KAZN: variants seen among roughly 807,000 people sequenced by gnomAD.
The protein encoded by KAZN is kazrin.
Under a neutral mutation model 87.4 loss-of-function variants are expected in KAZN, and 40 were observed. The observed-to-expected ratio is 0.46, with a 90% CI of 0.36 to 0.60. The LOEUF is 0.60. KAZN is among the 20% of genes least tolerant of loss of function. The pLI is 0.00. For synonymous variants in KAZN, 466 were observed against 458.3 expected (o/e 1.02, Z -0.22); for missense variants, 898 against 1,073.9 (o/e 0.84, Z 2.29).
chr1:15,046,956 CCCT>C (rs1339683559), intron 4 of KAZN, among the ~76,000 whole-genome samples: 2 of 152,200 alleles, frequency 1.3e-5, no homozygotes, highest in Admixed American at 6.5e-5. Flanking sequence ...TCCGAGGACT[CCCT>C]GGGTCTTTCT....
intron 2 of KAZN, among the ~76,000 whole-genome samples, chr1:14,568,140 A>C (rs1413520610): frequency 1.3e-5 from 2 of 152,210 alleles, no homozygotes; most frequent in Non-Finnish European, 2.9e-5. Flanking sequence ...GGATCCGCTC[A>C]TTCCCTGAAG....
At chr1:14,269,312 G>T (rs1273394626) in intron 2 of KAZN, among the ~76,000 whole-genome samples, 2 of 147,450 alleles carry the variant, frequency 1.4e-5, no homozygotes, top group East Asian at 3.9e-4. Flanking sequence ...TCCTTTGGGG[G>T]TTGATAATGA....
intron 1 of KAZN, among the ~76,000 whole-genome samples, chr1:13,948,976 C>G (rs1208944702): frequency 6.6e-6 from 1 of 152,134 alleles, no homozygotes; most frequent in Non-Finnish European, 1.5e-5. Flanking sequence ...CTCAGATGTC[C>G]CAGCATCGCC....
intron 10 of KAZN, among the ~76,000 whole-genome samples, chr1:15,095,387 C>T (rs746268222): frequency 2.6e-5 from 4 of 152,146 alleles, no homozygotes; most frequent in Non-Finnish European, 4.4e-5. Context: ...AAACCTCTCC[C>T]ATAGAGGAGC....
intron 1 of KAZN, among the ~76,000 whole-genome samples, chr1:13,966,177 T>TTCCTTCCCTCCCTCCTAC (rs199970243): frequency 1.3e-5 from 2 of 151,818 alleles, no homozygotes; most frequent in Admixed American, 6.6e-5. Flanking sequence ...CTGCCTCCTC[T>TTCCTTCCCTCCCTCCTAC]TCCTTCCCTC....
chr1:13,899,819 T>C (rs1286509190), intron 1 of KAZN, among the ~76,000 whole-genome samples: 1 of 152,144 alleles, frequency 6.6e-6, no homozygotes, highest in Admixed American at 6.5e-5. Flanking sequence ...AATTTTTGTA[T>C]TTTTAGTAGA....
intron 1 of KAZN, among the ~76,000 whole-genome samples, chr1:14,614,000 C>A (rs1337827969): frequency 6.6e-6 from 1 of 152,168 alleles, no homozygotes; most frequent in Non-Finnish European, 1.5e-5. Context: ...GAGTGACTTC[C>A]TGGTATGAAT....
chr1:14,906,594 T>G (rs572435513), intron 1 of KAZN, among the ~76,000 whole-genome samples: 191 of 152,048 alleles, frequency 1.3e-3, no homozygotes, highest in Non-Finnish European at 2.2e-3. Flanking sequence ...ACGTTGATAT[T>G]TTTTCAATAT....
At chr1:14,210,677 T>A (rs1380428032) in intron 2 of KAZN, among the ~76,000 whole-genome samples, 3 of 152,184 alleles carry the variant, frequency 2.0e-5, no homozygotes, top group Non-Finnish European at 4.4e-5. Flanking sequence ...CACAGGGCAA[T>A]TAAAACTGAA....
rs573226498 is a variant in KAZN, at chr1:14,589,423, C to T, written c.250-9560C>T. Among the ~76,000 whole-genome samples the T allele has an allele frequency of 3.3e-5, 5 of 152,148 alleles. No homozygotes were observed. The East Asian group carries it at 5.8e-4, about 18-fold the overall frequency. ...CTATAGACACAGCATCCTAACAAGT[C>T]GGCCATTGAACAAAATATCTCCCTT... is the stretch of plus-strand genomic sequence containing the variant. On this transcript the variant is annotated intron_variant, in intron 2 of 16. Transcript: ENST00000636203.
intron 1 of KAZN, among the ~76,000 whole-genome samples, chr1:14,094,421 A>G (rs1644080786): frequency 6.6e-6 from 1 of 152,184 alleles, no homozygotes. Flanking sequence ...GTTTTTCACT[A>G]GTGTGTTATT....
At chr1:14,082,632 G>A (rs11586306) in intron 1 of KAZN, among the ~76,000 whole-genome samples, 30,593 of 152,134 alleles carry the variant, frequency 0.2, 3,357 homozygotes, top group Middle Eastern at 0.29. Context: ...GGCCAAGTCC[G>A]AGCACCATGA....
chr1:14,547,264 C>G (rs926954032), intron 2 of KAZN, among the ~76,000 whole-genome samples: 8 of 152,152 alleles, frequency 5.3e-5, no homozygotes, highest in African/African-American at 1.9e-4. Context: ...ACCATTTCTC[C>G]CATTTTAAGA....
At chr1:14,393,842 C>CAAAAAAAAA (rs35205129) in intron 2 of KAZN, among the ~76,000 whole-genome samples, 4 of 87,014 alleles carry the variant, frequency 4.6e-5, no homozygotes, top group African/African-American at 1.0e-4. Context: ...GACCCAATCT[C>CAAAAAAAAA]AAAAAAAAAA....
rs963361718 is a variant in KAZN, at chr1:14,481,149, G to A, written c.250-117834G>A. On this transcript the variant is annotated intron_variant, in intron 2 of 16. Coordinates refer to the KAZN transcript ENST00000636203. ...ACATGGTCAGGAGAGGGCTGCAGGA[G>A]CCACCATCTAAGTTCAAATTCTACC... is the stretch of plus-strand genomic sequence containing the variant. Among the ~76,000 whole-genome samples, 32 of 152,082 alleles carry A rather than the reference G, an allele frequency of 2.1e-4. 1 individual carries two copies. Among genetic ancestry groups the A allele is most frequent in the African/African-American group, 7.5e-4 (31 of 41,482 alleles).
intron 2 of KAZN, among the ~76,000 whole-genome samples, chr1:14,416,216 T>C (rs1664745626): frequency 1.3e-5 from 2 of 152,152 alleles, no homozygotes; most frequent in African/African-American, 4.8e-5. Context: ...ACCCCCTGAT[T>C]ATGTGTCACC....
chr1:15,066,395 C>T lies in KAZN; in HGVS notation c.1222+642C>T. The stretch of plus-strand genomic sequence containing the variant: ...CCCTGTCCTGGGGGTGCGCCCAAGT[C>T]ACTTTAACCACAAAACGCCATCGTC... On this transcript the variant is annotated intron_variant, in intron 8 of 14. Coordinates refer to ENST00000376030, the MANE Select transcript of KAZN (RefSeq NM_201628.3). The surrounding 1 kb of genome is among the most constrained non-coding windows in gnomAD (Gnocchi z 4.3). 8.1e-6 allele frequency: 8 copies of T among 984,800 alleles called. No homozygotes were observed. Among genetic ancestry groups the T allele is most frequent in the Non-Finnish European group, 9.6e-6 (8 of 829,894 alleles). 61.0% of individuals were successfully genotyped at this position (984,800 alleles called of 1,614,324 possible). A position where few individuals can be genotyped will look rare whatever the true frequency, so the allele number is the denominator to read the frequency against.
intron 1 of KAZN, among the ~76,000 whole-genome samples, chr1:14,734,722 G>A (rs1643839605): frequency 6.6e-6 from 1 of 152,204 alleles, no homozygotes; most frequent in South Asian, 2.1e-4. Flanking sequence ...GACATGGCAT[G>A]TACATGACAT....
intron 1 of KAZN, among the ~76,000 whole-genome samples, chr1:14,870,045 G>A (rs1651968212): frequency 6.6e-6 from 1 of 152,168 alleles, no homozygotes; most frequent in Non-Finnish European, 1.5e-5. Flanking sequence ...TTTCCCCAAT[G>A]AGATGAAAAA....
Sources: allele counts gnomAD v4.1 joint callset (sites outside exome capture counted in the v4.1 genomes callset), GRCh38; gene constraint gnomAD v4.1.1; non-coding constraint Gnocchi (gnomAD v3.1); transcripts MANE v1.5; gene names NCBI Gene and HGNC (gene_info 2026-07-23, HGNC 2026-07-21).